The following ADAMTS6 variants were observed in gnomAD, a reference collection of about 807,000 sequenced individuals.
ADAMTS6 encodes ADAM metallopeptidase with thrombospondin type 1 motif 6.
In ADAMTS6, 23 loss-of-function variants were observed where a neutral mutation model predicts 144.3. The ratio of observed to expected loss-of-function variants is 0.16; its 90% CI spans 0.11 to 0.23. The LOEUF is 0.23. ADAMTS6 is among the 10% of genes least tolerant of loss of function. The pLI, the probability that ADAMTS6 is intolerant of heterozygous loss-of-function variation, is 1.00. For missense variants in ADAMTS6, 999 were observed against 1,379.6 expected (o/e 0.72, Z 4.37); for synonymous variants, 444 against 457.5 (o/e 0.97, Z 0.38).
intron 7 of ADAMTS6, among the ~76,000 whole-genome samples, chr5:65,383,970 G>T (rs57335808): frequency 6.6e-6 from 1 of 152,128 alleles, no homozygotes; most frequent in Non-Finnish European, 1.5e-5. Context: ...GGCAGCCCGA[G>T]GCACAACTAA....
chr5:65,425,753 A>C (rs1756452844), intron 7 of ADAMTS6, among the ~76,000 whole-genome samples: 1 of 151,770 alleles, frequency 6.6e-6, no homozygotes, highest in Non-Finnish European at 1.5e-5. Context: ...GCATGACTTC[A>C]AGTAGTGCTG....
intron 11 of ADAMTS6, among the ~76,000 whole-genome samples, chr5:65,278,009 G>A (rs1036655648): frequency 1.0e-4 from 11 of 107,204 alleles, no homozygotes; most frequent in Non-Finnish European, 1.7e-4. Context: ...AGTCTCTAAA[G>A]TCCATTATAT....
chr5:65,191,027 C>T lies in ADAMTS6; in HGVS notation c.2706-2807G>A, dbSNP rs190277775. Among the ~76,000 whole-genome samples the T allele has an allele frequency of 1.8e-4, 27 of 152,168 alleles. 1 individual carries two copies. Among genetic ancestry groups the T allele is most frequent in the Admixed American group, 1.8e-3 (27 of 15,274 alleles). On this transcript the variant is annotated intron_variant, in intron 21 of 24. Coordinates refer to ENST00000381055, the MANE Select transcript of ADAMTS6 (RefSeq NM_197941.4). ...GGCATTCTTTCTCTGTCTTCTTTCC[C>T]TCCTCTAGACTTGGTGGCAAAAACA... is the stretch of plus-strand genomic sequence containing the variant.
chr5:65,470,968 G>C lies in ADAMTS6; in HGVS notation c.272C>G (p.Ala91Gly). The C allele has an allele frequency of 6.2e-7, 1 of 1,612,636 alleles. No homozygotes were observed. The highest frequency in any genetic ancestry group is 2.2e-5 in the East Asian group (1 of 44,706). ...AVSKLFFKLS[A>G]YGKHFHLNLT... ...GTTTAGATGAAAGTGCTTGCCATAG[G>C]CTGAAAGTTTAAAAAATAACTTAGA... is the stretch of plus-strand genomic sequence containing the variant. The change falls in exon 3 of 25, where the codon GCC becomes GGC. Residue 91 changes from alanine (A) to glycine (G), a missense_variant. Ala to Gly is a moderately conservative substitution (Grantham distance 60). This residue lies in a region of ADAMTS6 where 252 missense variants were observed against 293.7 expected (regional missense o/e 0.86). Transcript: ENST00000381055.
At chr5:65,431,126 AG>A (rs1756972216) in intron 7 of ADAMTS6, among the ~76,000 whole-genome samples, 1 of 152,178 alleles carries the variant, frequency 6.6e-6, no homozygotes, top group African/African-American at 2.4e-5. Flanking sequence ...GGAGGAGATA[AG>A]TATTTCTACA....
Position 65,244,620 on chromosome 5 carries a change from C to T in ADAMTS6, c.1831-2414G>A, listed in dbSNP as rs150948454. On this transcript the variant is annotated intron_variant, in intron 14 of 24. Transcript: ENST00000381055. ...GTACTTATTATGTGGCACACTGTTC[C>T]GGGATCTTTAGATATATTATCTATA... is the stretch of plus-strand genomic sequence containing the variant. 5.2e-3 allele frequency among the ~76,000 whole-genome samples: 788 copies of T among 152,152 alleles called. 4 individuals carry two copies. Among genetic ancestry groups the T allele is most frequent in the Non-Finnish European group, 8.7e-3 (594 of 67,986 alleles).
chr5:65,408,641 A>C (rs949872620), intron 7 of ADAMTS6, among the ~76,000 whole-genome samples: 1 of 152,210 alleles, frequency 6.6e-6, no homozygotes, highest in Non-Finnish European at 1.5e-5. Flanking sequence ...GCTCTGCACC[A>C]AGCAGACCTA....
At chr5:65,434,290 G>T (rs1757217753) in intron 7 of ADAMTS6, among the ~76,000 whole-genome samples, 1 of 152,060 alleles carries the variant, frequency 6.6e-6, no homozygotes, top group Non-Finnish European at 1.5e-5. Context: ...TTCATTTTGG[G>T]GTGAGGAAGA....
intron 14 of ADAMTS6, chr5:65,251,826 G>T (rs553131681): frequency 2.0e-5 from 3 of 152,198 alleles, no homozygotes; most frequent in African/African-American, 7.2e-5. Flanking sequence ...TGAAAGTTTT[G>T]TCTTCATAAG....
At chr5:65,231,605 T>C (rs973404879) in intron 15 of ADAMTS6, among the ~76,000 whole-genome samples, 2 of 152,136 alleles carry the variant, frequency 1.3e-5, no homozygotes, top group African/African-American at 4.8e-5. Flanking sequence ...CAGAAAATTT[T>C]CCAAGATACA....
At chr5:65,238,076 ACT>A (rs1185098840) in intron 15 of ADAMTS6, among the ~76,000 whole-genome samples, 1 of 150,932 alleles carries the variant, frequency 6.6e-6, no homozygotes, top group Non-Finnish European at 1.5e-5. Flanking sequence ...ACAGAGCAAG[ACT>A]CTCTCTCAAA....
chr5:65,315,709 G>A (rs998161422), intron 9 of ADAMTS6, among the ~76,000 whole-genome samples: 5 of 151,964 alleles, frequency 3.3e-5, no homozygotes, highest in Non-Finnish European at 7.4e-5. Flanking sequence ...ATATTAATGT[G>A]AGACACAGCA....
At chr5:65,286,209 A>T (rs1741631735) in intron 11 of ADAMTS6, among the ~76,000 whole-genome samples, 1 of 152,232 alleles carries the variant, frequency 6.6e-6, no homozygotes, top group Admixed American at 6.5e-5. Flanking sequence ...TTACAAGAAC[A>T]ACCTGGCTGC....
At chr5:65,271,046 C>T (rs1762010894) in intron 12 of ADAMTS6, among the ~76,000 whole-genome samples, 3 of 151,996 alleles carry the variant, frequency 2.0e-5, no homozygotes, top group Non-Finnish European at 1.5e-5. Flanking sequence ...ATATTTTGCC[C>T]CATTTTATCA....
chr5:65,192,792 G>A (rs184184431), intron 21 of ADAMTS6, among the ~76,000 whole-genome samples: 5 of 151,680 alleles, frequency 3.3e-5, no homozygotes, highest in Non-Finnish European at 7.4e-5. Context: ...CCCCAGCAAG[G>A]ACTCCTCTGG....
At chr5:65,258,070 T>C (rs1224755715) in intron 14 of ADAMTS6, among the ~76,000 whole-genome samples, 1 of 152,112 alleles carries the variant, frequency 6.6e-6, no homozygotes, top group East Asian at 1.9e-4. Context: ...TACTCCAAAA[T>C]ACAATTTTAA....
chr5:65,262,365 G>A (rs902951646), intron 13 of ADAMTS6, among the ~76,000 whole-genome samples: 2 of 152,194 alleles, frequency 1.3e-5, no homozygotes, highest in African/African-American at 4.8e-5. Context: ...GATTTGTGAT[G>A]CGAATCAAGG....
intron 7 of ADAMTS6, among the ~76,000 whole-genome samples, chr5:65,386,594 T>G (rs1752492097): frequency 6.6e-6 from 1 of 152,160 alleles, no homozygotes; most frequent in Non-Finnish European, 1.5e-5. Context: ...TTTTGGTTGG[T>G]TGGTTGTTTT....
At chr5:65,420,342 G>A (rs1264864453) in intron 7 of ADAMTS6, among the ~76,000 whole-genome samples, 1 of 152,056 alleles carries the variant, frequency 6.6e-6, no homozygotes, top group African/African-American at 2.4e-5. Flanking sequence ...CCACTGAATT[G>A]TACACTTTTG....
Sources: allele counts gnomAD v4.1 joint callset (sites outside exome capture counted in the v4.1 genomes callset), GRCh38; gene constraint gnomAD v4.1.1; regional missense constraint gnomAD v4.1.1; transcripts MANE v1.5; gene names NCBI Gene and HGNC (gene_info 2026-07-23, HGNC 2026-07-21).